Variants in BIN3 observed in about 807,000 individuals in gnomAD.
The protein encoded by BIN3 is bridging integrator 3.
BIN3 carries 41 observed loss-of-function variants against 38.2 expected under a neutral mutation model. That is an observed-to-expected ratio of 1.07 (90% CI 0.84 to 1.39). BIN3 has a LOEUF of 1.39. Ranked by LOEUF, BIN3 falls within the 40% of genes most tolerant of loss-of-function variation. The probability of loss-of-function intolerance (pLI) is 0.00; values close to 1 mark genes in which losing one functional copy is unlikely to be tolerated. For synonymous variants in BIN3, 145 were observed against 122.6 expected (o/e 1.18, Z -1.21); for missense variants, 361 against 324.3 (o/e 1.11, Z -0.87).
chr8:22,632,359 C>T (rs1023095737), intron 4 of BIN3, among the ~76,000 whole-genome samples: 5 of 152,214 alleles, frequency 3.3e-5, no homozygotes, highest in African/African-American at 1.2e-4. Flanking sequence ...CAGCCCGGAG[C>T]ACCCTCCTGG....
chr8:22,620,524 C>G lies in BIN3; in HGVS notation c.*898G>C, dbSNP rs1271996429. ...CTACTCTCCTAGGCTTGCCCGCGTG[C>G]CCTCCCACCCAGCGCCTCTGCTGGA... On this transcript the variant is annotated 3_prime_UTR_variant, in exon 9 of 9. Transcript: ENST00000276416. 6.6e-6 allele frequency: 1 copy of G among 151,230 alleles called. No homozygotes were observed. Among genetic ancestry groups the G allele is most frequent in the Non-Finnish European group, 1.5e-5 (1 of 67,944 alleles). The allele number at this position is 151,230 out of a possible 1,614,324, so 9.4% of individuals were successfully genotyped here.
intron 1 of BIN3, among the ~76,000 whole-genome samples, chr8:22,649,012 C>G (rs1802801058): frequency 6.6e-6 from 1 of 152,116 alleles, no homozygotes; most frequent in African/African-American, 2.4e-5. Flanking sequence ...CATTTCCTGC[C>G]TCAGCCCTAG....
chr8:22,662,738 T>C (rs1171581801), intron 1 of BIN3, among the ~76,000 whole-genome samples: 2 of 152,172 alleles, frequency 1.3e-5, no homozygotes, highest in Admixed American at 1.3e-4. Context: ...CAGTCTTCCA[T>C]TATATACATA....
chr8:22,622,726 G>A (rs960615825), intron 8 of BIN3: 2 of 152,362 alleles, frequency 1.3e-5, no homozygotes, highest in Non-Finnish European at 2.9e-5. Flanking sequence ...AGGGTGCAGG[G>A]CAGCACCCAG....
chr8:22,643,431 A>C (rs1802624533), intron 2 of BIN3, among the ~76,000 whole-genome samples: 1 of 152,202 alleles, frequency 6.6e-6, no homozygotes, highest in African/African-American at 2.4e-5. Context: ...CGTGCGCTCA[A>C]GCAGTCCTCC....
intron 5 of BIN3, 60 bp from the exon 6 acceptor site, chr8:22,630,064 G>A: frequency 1.3e-6 from 2 of 1,499,654 alleles, no homozygotes; most frequent in African/African-American, 1.4e-5. Flanking sequence ...GACACGCAAG[G>A]CAGGGCCCCT....
chr8:22,649,740 T>A (rs1473472761), intron 1 of BIN3, among the ~76,000 whole-genome samples: 3 of 151,510 alleles, frequency 2.0e-5, no homozygotes, highest in Admixed American at 6.6e-5. Flanking sequence ...ACACCCTTGT[T>A]TTTTTCTTGA....
chr8:22,639,938 C>T (rs1057340033), intron 2 of BIN3, among the ~76,000 whole-genome samples: 6 of 151,994 alleles, frequency 3.9e-5, no homozygotes, highest in South Asian at 2.1e-4. Flanking sequence ...CTCGGCTCAC[C>T]GCAACCTCCG....
At chr8:22,631,252 T>C (rs1477593729) in intron 4 of BIN3, among the ~76,000 whole-genome samples, 1 of 152,174 alleles carries the variant, frequency 6.6e-6, no homozygotes, top group Non-Finnish European at 1.5e-5. Flanking sequence ...GAAAATGTGT[T>C]TTCCCCCAAG....
rs750509864 is a variant in BIN3, at chr8:22,621,428, A to G, written c.756T>C (p.Asp252=). Residue 252 remains aspartate, a synonymous_variant, in exon 9 of 9, where the codon GAT becomes GAC. Transcript: ENST00000276416. ...CTCCAAGAGTGACGGGGATTCAGTC[A>G]TCGGCCACAATGGAGAGGGCCCGGA... The part of the protein sequence containing the change: ...SELRALSIVA[D]D The G allele has an allele frequency of 1.2e-6, 2 of 1,613,078 alleles. No individual in the cohort carries two copies. The highest frequency in any genetic ancestry group is 1.7e-6 in the Non-Finnish European group (2 of 1,179,556).
At chr8:22,623,745 A>G (rs56035330) in intron 8 of BIN3, among the ~76,000 whole-genome samples, 170 bp downstream of exon 8, 2,413 of 152,318 alleles carry the variant, frequency 0.016, 55 homozygotes, top group African/African-American at 0.054. Flanking sequence ...AGGTCCCCCA[A>G]GTCGCTGAGC....
chr8:22,636,646 C>T, intron 3 of BIN3, 60 bp from the exon 4 acceptor site: 1 of 1,511,802 alleles, frequency 6.6e-7, no homozygotes, highest in Non-Finnish European at 9.0e-7. Flanking sequence ...TGAGCGAAGC[C>T]CAGGTGCTCT....
Position 22,649,859 on chromosome 8 carries a change from C to CACACA in BIN3, c.9-5057_9-5056insTGTGT, listed in dbSNP as rs1563973928. Among the ~76,000 whole-genome samples the CACACA allele has an allele frequency of 3.8e-4, 51 of 133,644 alleles. 1 individual carries two copies. The highest frequency in any genetic ancestry group is 7.6e-3 in the Middle Eastern group (2 of 262). The allele number at this position is 133,644 out of a possible 152,430, so 87.7% of individuals were successfully genotyped here. On this transcript the variant is annotated intron_variant, in intron 1 of 8. Transcript: ENST00000276416. ...CACACACACACACACACACACACAC[C>CACACA]CCCAAAGGAAAAAATTAACAGTAAT...
At chr8:22,637,865 C>A (rs779177430) in intron 2 of BIN3, among the ~76,000 whole-genome samples, 1 of 152,192 alleles carries the variant, frequency 6.6e-6, no homozygotes, top group Non-Finnish European at 1.5e-5. Flanking sequence ...ATTCACAGAG[C>A]CCTCACTGTG....
intron 8 of BIN3, among the ~76,000 whole-genome samples, chr8:22,623,351 C>G (rs1176813961): frequency 6.6e-6 from 1 of 152,222 alleles, no homozygotes; most frequent in African/African-American, 2.4e-5. Context: ...GTCTGACCCC[C>G]AGTGGCGCCC....
At chr8:22,628,142 T>C (rs570793533) in intron 6 of BIN3, among the ~76,000 whole-genome samples, 11 of 152,210 alleles carry the variant, frequency 7.2e-5, no homozygotes, top group Non-Finnish European at 1.6e-4. Flanking sequence ...TGCCATGCCT[T>C]GGTCTGTGCC....
chr8:22,631,243 A>G (rs907444284), intron 4 of BIN3, among the ~76,000 whole-genome samples: 2 of 152,210 alleles, frequency 1.3e-5, no homozygotes, highest in African/African-American at 2.4e-5. Flanking sequence ...GATACGCTGG[A>G]AAATGTGTTT....
At chr8:22,626,929 C>A (rs984904267) in intron 6 of BIN3, among the ~76,000 whole-genome samples, 1 of 152,144 alleles carries the variant, frequency 6.6e-6, no homozygotes, top group Non-Finnish European at 1.5e-5. Context: ...GAGTGCCGAG[C>A]GGGGGTGAGG....
chr8:22,655,313 TG>T (rs1340183902), intron 1 of BIN3, among the ~76,000 whole-genome samples: 2 of 152,230 alleles, frequency 1.3e-5, no homozygotes. Context: ...TTTCTTTTGT[TG>T]TTCATGCTTT....
Sources: allele counts gnomAD v4.1 joint callset (sites outside exome capture counted in the v4.1 genomes callset), GRCh38; gene constraint gnomAD v4.1.1; transcripts MANE v1.5; gene names NCBI Gene and HGNC (gene_info 2026-07-23, HGNC 2026-07-21).